The following SAXO5 variants were observed in gnomAD, a reference collection of about 807,000 sequenced individuals.
The protein encoded by SAXO5 is stabilizer of axonemal microtubules 5.
chr19:7,499,492 GGAA>G, the SAXO5 span: 2 of 152,416 alleles, frequency 1.3e-5, no homozygotes, highest in African/African-American at 2.4e-5. Context: ...CCCCCAGAGG[GGAA>G]GAAGGAGAAA....
the SAXO5 span, among the ~76,000 whole-genome samples, chr19:7,503,449 G>A: frequency 2.0e-5 from 3 of 152,004 alleles, no homozygotes; most frequent in Non-Finnish European, 4.4e-5. Flanking sequence ...GCTCAATATA[G>A]TCCTTGGTAG....
chr19:7,500,754 GCAAGTGCCC>G, the SAXO5 span: 8 of 1,348,972 alleles, frequency 5.9e-6, no homozygotes, highest in Admixed American at 2.9e-4. Context: ...GGAGTCAAAG[GCAAGTGCCC>G]CAATGGGCAC....
chr19:7,505,964 C>T, the SAXO5 span: 1 of 1,576,268 alleles, frequency 6.3e-7, no homozygotes, highest in Non-Finnish European at 8.6e-7. Context: ...GGTCCTACAG[C>T]CGCCACCCCC....
At chr19:7,504,203 A>T in the SAXO5 span, 2 of 1,613,982 alleles carry the variant, frequency 1.2e-6, no homozygotes, top group Non-Finnish European at 1.7e-6. Context: ...TGCCAGGCCC[A>T]CCTGCCTTGA....
At chr19:7,505,366 T>C in the SAXO5 span, 11 of 1,614,074 alleles carry the variant, frequency 6.8e-6, no homozygotes, top group East Asian at 1.8e-4. Context: ...ACTGTGTAAA[T>C]ATCCGTCCTG....
the SAXO5 span, chr19:7,506,886 C>T: frequency 1.0e-5 from 6 of 589,412 alleles, no homozygotes; most frequent in Non-Finnish European, 1.8e-5. Context: ...CTGGCTTCTC[C>T]CTCCTTCTTT....
the SAXO5 span, chr19:7,508,245 C>A: frequency 6.2e-7 from 1 of 1,614,006 alleles, no homozygotes; most frequent in South Asian, 1.1e-5. Context: ...GGGTGGACTG[C>A]GCTTCTTCTC....
chr19:7,500,797 C>T, the SAXO5 span: 217 of 1,433,880 alleles, frequency 1.5e-4, no homozygotes, highest in Non-Finnish European at 1.9e-4. Context: ...CATCTCCACC[C>T]TCTCGCAGGT....
the SAXO5 span, chr19:7,504,563 G>T: frequency 1.6e-6 from 1 of 632,184 alleles, no homozygotes; most frequent in Non-Finnish European, 2.7e-6. Context: ...ACAATTAGCC[G>T]GGTGTGGTGG....
the SAXO5 span, among the ~76,000 whole-genome samples, chr19:7,503,891 C>A: frequency 6.6e-6 from 1 of 152,224 alleles, no homozygotes; most frequent in Non-Finnish European, 1.5e-5. Flanking sequence ...ACTTCAGCCA[C>A]CTGAATAGCT....
chr19:7,501,344 G>T, the SAXO5 span: 2 of 1,558,638 alleles, frequency 1.3e-6, no homozygotes, highest in African/African-American at 1.4e-5. Context: ...CGCACCAGGC[G>T]CTCTTTCCAC....
At chr19:7,501,946 G>C in the SAXO5 span, among the ~76,000 whole-genome samples, 6 of 151,752 alleles carry the variant, frequency 4.0e-5, no homozygotes, top group African/African-American at 1.4e-4. Flanking sequence ...AGGAAGACTT[G>C]GGGGGTGGCG....
At chr19:7,503,439 G>T in the SAXO5 span, among the ~76,000 whole-genome samples, 1 of 151,974 alleles carries the variant, frequency 6.6e-6, no homozygotes, top group Non-Finnish European at 1.5e-5. Flanking sequence ...CCTATGTGTG[G>T]CTCAATATAG....
At chr19:7,508,035 T>C in the SAXO5 span, among the ~76,000 whole-genome samples, 1 of 152,156 alleles carries the variant, frequency 6.6e-6, no homozygotes, top group African/African-American at 2.4e-5. Flanking sequence ...TATCCTCTCT[T>C]ACCCAGTCTT....
the SAXO5 span, among the ~76,000 whole-genome samples, chr19:7,503,588 T>G: frequency 8.0e-3 from 1,218 of 151,992 alleles, 23 homozygotes; most frequent in African/African-American, 0.027. Flanking sequence ...AAGTTCAAAT[T>G]ATTCTCCTGT....
chr19:7,504,979 T>C, the SAXO5 span, among the ~76,000 whole-genome samples: 3 of 135,984 alleles, frequency 2.2e-5, no homozygotes, highest in Non-Finnish European at 4.6e-5. Flanking sequence ...TCTTCTTCTT[T>C]TTTTTTTTCT....
the SAXO5 span, chr19:7,500,766 ATGGGCACTTGC>A: frequency 7.3e-7 from 1 of 1,373,170 alleles, no homozygotes; most frequent in Non-Finnish European, 9.4e-7. Flanking sequence ...AAGTGCCCCA[ATGGGCACTTGC>A]TCAGTCCCTC....
chr19:7,506,851 T>A, the SAXO5 span: 5 of 363,408 alleles, frequency 1.4e-5, no homozygotes, highest in Middle Eastern at 9.0e-4. Context: ...AGCTCCTCCC[T>A]CTTTCCCAGC....
chr19:7,504,053 G>C, the SAXO5 span: 8 of 1,138,362 alleles, frequency 7.0e-6, no homozygotes, highest in East Asian at 2.0e-4. Context: ...ATTCCTTCCA[G>C]AGGGCTTGAG....
Sources: allele counts gnomAD v4.1 joint callset (sites outside exome capture counted in the v4.1 genomes callset), GRCh38; gene constraint gnomAD v4.1.1; transcripts MANE v1.5; gene names NCBI Gene and HGNC (gene_info 2026-07-23, HGNC 2026-07-21).